Variants in AK9 observed in about 807,000 individuals in gnomAD.
AK9 encodes the protein adenylate kinase domain containing 1.
Under a neutral mutation model 239.6 loss-of-function variants are expected in AK9, and 191 were observed. The observed-to-expected ratio is 0.80, with a 90% CI of 0.71 to 0.90. The LOEUF is 0.90. Ranked by LOEUF, AK9 falls within the 40% of genes least tolerant of loss-of-function variation. AK9 has a pLI of 0.00. For synonymous variants in AK9, 689 were observed against 721.0 expected (o/e 0.96, Z 0.71); for missense variants, 1,995 against 2,214.7 (o/e 0.90, Z 1.99).
intron 33 of AK9, among the ~76,000 whole-genome samples, chr6:109,507,509 A>C (rs17070656): frequency 0.086 from 13,060 of 152,104 alleles, 914 homozygotes; most frequent in African/African-American, 0.19. Context: ...ATGACAAGGA[A>C]AATTTAAACT....
At position 109,644,900 on chromosome 6, in the gene AK9, A is replaced by C. The variant is rs958095031; in HGVS notation, c.760-212T>G. 7.2e-5 allele frequency among the ~76,000 whole-genome samples: 11 copies of C among 152,350 alleles called. No homozygotes were observed. In the South Asian group the frequency reaches 1.9e-3, roughly 26 times the overall value. ...GAATTTTATTTTCCTGTTTAAAAAAATCTTTTTTCTCTACTTTGATGCCTT... is the reference window on the plus strand; with the variant it reads ...GAATTTTATTTTCCTGTTTAAAAAACTCTTTTTTCTCTACTTTGATGCCTT... On this transcript the variant is annotated intron_variant, in intron 8 of 40. Coordinates refer to ENST00000424296, the MANE Select transcript of AK9 (RefSeq NM_001145128.3).
At chr6:109,500,028 A>G (rs2115418086) in intron 35 of AK9, among the ~76,000 whole-genome samples, 1 of 122,914 alleles carries the variant, frequency 8.1e-6, no homozygotes, top group East Asian at 2.7e-4. Context: ...TAGACTATAT[A>G]TATGATACAC....
At chr6:109,568,297 C>G (rs528166120) in intron 21 of AK9, among the ~76,000 whole-genome samples, 1 of 152,182 alleles carries the variant, frequency 6.6e-6, no homozygotes, top group East Asian at 1.9e-4. Context: ...AAAGAGCTAT[C>G]TATGACAAAC....
chr6:109,522,740 T>C (rs1351171244), intron 29 of AK9, among the ~76,000 whole-genome samples: 1 of 152,152 alleles, frequency 6.6e-6, no homozygotes, highest in African/African-American at 2.4e-5. Flanking sequence ...TTGGTGATTT[T>C]CCTCAAGTAT....
rs1793932905 is a variant in AK9 at position 109,614,495 on chromosome 6, TGGGTG to T, written c.1400-20_1400-16del. 1 of 1,547,594 alleles carries T rather than the reference TGGGTG, an allele frequency of 6.5e-7. No individual in the cohort carries two copies. Among genetic ancestry groups the T allele is most frequent in the Non-Finnish European group, 8.7e-7 (1 of 1,144,220 alleles). On this transcript the variant is annotated splice_polypyrimidine_tract_variant and intron_variant, in intron 13 of 40. Coordinates refer to ENST00000424296, the MANE Select transcript of AK9 (RefSeq NM_001145128.3). ...AGCTGTTTCAGCTGAAATATAACAA[TGGGTG>T]GTGTTAGCAAAACGTAGTTGGGGAT...
intron 26 of AK9, among the ~76,000 whole-genome samples, chr6:109,543,678 C>A (rs1356545926): frequency 6.6e-6 from 1 of 152,050 alleles, no homozygotes; most frequent in African/African-American, 2.4e-5. Context: ...GAACTCCTGA[C>A]CTCAAGTGAT....
intron 24 of AK9, among the ~76,000 whole-genome samples, chr6:109,556,649 T>G (rs1785040432): frequency 6.6e-6 from 1 of 152,128 alleles, no homozygotes; most frequent in African/African-American, 2.4e-5. Context: ...CTCTAATCAA[T>G]TGTAGGTTTG....
Position 109,573,602 on chromosome 6 carries a change from A to C in AK9, c.2192-8T>G, listed in dbSNP as rs1310814588. ...TATCAGTCTCTTCAGCTTCTAAAAAAATTTGAAGAAATAAATTATCATTTG... is the reference window on the plus strand; with the variant it reads ...TATCAGTCTCTTCAGCTTCTAAAAACATTTGAAGAAATAAATTATCATTTG... On this transcript the variant is annotated splice_region_variant and splice_polypyrimidine_tract_variant and intron_variant, in intron 20 of 40. Transcript: ENST00000424296. 1 of 1,533,668 alleles carries C rather than the reference A, an allele frequency of 6.5e-7. No homozygotes were observed. The highest frequency in any genetic ancestry group is 1.4e-5 in the African/African-American group (1 of 71,884).
intron 19 of AK9, among the ~76,000 whole-genome samples, chr6:109,582,623 C>A (rs942281798): frequency 1.8e-4 from 27 of 152,080 alleles, no homozygotes; most frequent in African/African-American, 6.5e-4. Flanking sequence ...GAGATGGAAT[C>A]TATTCTTGGT....
Position 109,585,741 on chromosome 6 carries a change from C to T in AK9, c.1999+175G>A, listed in dbSNP as rs191746379. 2.0e-5 allele frequency among the ~76,000 whole-genome samples: 3 copies of T among 152,264 alleles called. No homozygotes were observed. The East Asian group carries it at 5.8e-4, about 29-fold the overall frequency. On this transcript the variant is annotated intron_variant, in intron 18 of 40. Coordinates refer to ENST00000424296, the MANE Select transcript of AK9 (RefSeq NM_001145128.3). Reference sequence around the variant, plus strand: ...ACATTCAACCATCCGGCACTTATTCCTGGCCACCTTCTCAGTATATGGAAG... The same window carrying T: ...ACATTCAACCATCCGGCACTTATTCTTGGCCACCTTCTCAGTATATGGAAG...
intron 32 of AK9, among the ~76,000 whole-genome samples, chr6:109,513,764 T>A (rs1190629810): frequency 2.6e-5 from 4 of 152,252 alleles, no homozygotes; most frequent in African/African-American, 7.2e-5. Context: ...CCATCATTCC[T>A]ATAAATAGGA....
At chr6:109,515,716 A>G (rs939189411) in intron 31 of AK9, 141 bp downstream of exon 31, 4 of 782,678 alleles carry the variant, frequency 5.1e-6, no homozygotes, top group Non-Finnish European at 7.9e-6. Context: ...TTTAAATCCC[A>G]AAGTATTTTT....
chr6:109,666,274 C>T lies in AK9; in HGVS notation c.332-3611G>A, dbSNP rs1367487388. Reference sequence around the variant, plus strand: ...AAGTGGAATAGATTAGTCCTCTAGTCCCAATTCTGGAAGATCCCAGGGACA... The same window carrying T: ...AAGTGGAATAGATTAGTCCTCTAGTTCCAATTCTGGAAGATCCCAGGGACA... On this transcript the variant is annotated intron_variant, in intron 5 of 40. Transcript: ENST00000424296. Among the ~76,000 whole-genome samples, 3 of 152,182 alleles carry T rather than the reference C, an allele frequency of 2.0e-5. 1 individual carries two copies. The highest frequency in any genetic ancestry group is 6.3e-3 in the Middle Eastern group (2 of 316).
chr6:109,498,076 G>T, intron 36 of AK9, 111 bp from the exon 37 acceptor site: 1 of 1,012,110 alleles, frequency 9.9e-7, no homozygotes, highest in Non-Finnish European at 1.5e-6. Flanking sequence ...GCAGCGTTCT[G>T]CTGCTCCTCA....
At chr6:109,626,345 T>C (rs1045693136) in intron 12 of AK9, among the ~76,000 whole-genome samples, 2 of 152,182 alleles carry the variant, frequency 1.3e-5, no homozygotes, top group African/African-American at 4.8e-5. Context: ...TGGGTAACGT[T>C]TTCCTGTTTC....
chr6:109,559,255 C>T (rs1474867786), intron 24 of AK9, among the ~76,000 whole-genome samples: 2 of 151,984 alleles, frequency 1.3e-5, no homozygotes, highest in African/African-American at 4.8e-5. Flanking sequence ...GCAGGCTCTG[C>T]CTCCCGGGTT....
At chr6:109,621,887 T>C (rs1489277166) in intron 12 of AK9, among the ~76,000 whole-genome samples, 1 of 27,500 alleles carries the variant, frequency 3.6e-5, no homozygotes, top group Non-Finnish European at 7.1e-5. Flanking sequence ...AAACTTAAAG[T>C]ATAATTAAAA....
At chr6:109,515,155 T>C (rs1016222663) in intron 31 of AK9, among the ~76,000 whole-genome samples, 2 of 152,230 alleles carry the variant, frequency 1.3e-5, no homozygotes, top group African/African-American at 4.8e-5. Context: ...TACCAAGTGG[T>C]ATTTTGTAAC....
At chr6:109,602,360 T>G (rs1165058888) in intron 17 of AK9, among the ~76,000 whole-genome samples, 3 of 152,234 alleles carry the variant, frequency 2.0e-5, no homozygotes, top group African/African-American at 7.2e-5. Context: ...TATGAAATTC[T>G]GGGTTGAAAA....
Sources: allele counts gnomAD v4.1 joint callset (sites outside exome capture counted in the v4.1 genomes callset), GRCh38; gene constraint gnomAD v4.1.1; transcripts MANE v1.5; gene names NCBI Gene and HGNC (gene_info 2026-07-23, HGNC 2026-07-21).